GPA33: variants seen among roughly 807,000 people sequenced by gnomAD.
GPA33 encodes cell surface A33 antigen.
In GPA33, 27 loss-of-function variants were observed where a neutral mutation model predicts 35.6. The ratio of observed to expected loss-of-function variants is 0.76; its 90% CI spans 0.56 to 1.04. The LOEUF (loss-of-function observed/expected upper bound fraction) is 1.04. Among genes scored for constraint, GPA33 ranks in the 50% least tolerant of loss-of-function variants. The pLI, the probability that GPA33 is intolerant of heterozygous loss-of-function variation, is 0.00. For synonymous variants in GPA33, 176 were observed against 164.0 expected (o/e 1.07, Z -0.56); for missense variants, 428 against 411.9 (o/e 1.04, Z -0.34).
intron 3 of GPA33, 146 bp downstream of exon 3, chr1:167,068,776 C>T: frequency 1.6e-6 from 1 of 624,456 alleles, no homozygotes; most frequent in Non-Finnish European, 2.9e-6. Flanking sequence ...GGAGCGGTCC[C>T]TCTGCTGAAG....
intron 3 of GPA33, among the ~76,000 whole-genome samples, chr1:167,066,763 A>G (rs1405663847): frequency 6.6e-6 from 1 of 152,204 alleles, no homozygotes; most frequent in African/African-American, 2.4e-5. Flanking sequence ...GTCGGGTGCC[A>G]AGGCCTCTCC....
At chr1:167,063,075 C>T (rs190048479) in intron 4 of GPA33, among the ~76,000 whole-genome samples, 59 of 152,350 alleles carry the variant, frequency 3.9e-4, no homozygotes, top group African/African-American at 1.1e-3. Flanking sequence ...TTCCGCTACG[C>T]GCTTTACATG....
intron 4 of GPA33, among the ~76,000 whole-genome samples, chr1:167,060,720 C>T (rs893142520): frequency 5.3e-5 from 8 of 152,208 alleles, no homozygotes; most frequent in African/African-American, 1.9e-4. Flanking sequence ...TGCAGCTGGG[C>T]TGCCCCTTTG....
Position 167,069,127 on chromosome 1 carries a change from G to A in GPA33, c.210C>T (p.Val70=), listed in dbSNP as rs149134521. 404 of 1,612,040 alleles carry A rather than the reference G, an allele frequency of 2.5e-4. No homozygotes were observed. The highest frequency in any genetic ancestry group is 5.5e-4 in the Admixed American group (33 of 59,986). Residue 70 remains valine, a synonymous_variant, in exon 3 of 7, where the codon GTC becomes GTT. Transcript: ENST00000367868. ...KLLLTHTERV[V]IWPFSNKNYI... is the part of the protein sequence containing the mutation. ...AGTTTTTGTTTGAAAACGGCCAGATGACCACCCTTTCCTGGAGAGAGAAGA... is the reference window on the plus strand; with the variant it reads ...AGTTTTTGTTTGAAAACGGCCAGATAACCACCCTTTCCTGGAGAGAGAAGA...
intron 2 of GPA33, among the ~76,000 whole-genome samples, chr1:167,070,687 G>A (rs576432454): frequency 1.3e-5 from 2 of 152,268 alleles, no homozygotes; most frequent in South Asian, 2.1e-4. Flanking sequence ...AGGAGAAAAG[G>A]GACTGGTTAA....
intron 1 of GPA33, among the ~76,000 whole-genome samples, chr1:167,075,452 A>G (rs561193405): frequency 6.6e-6 from 1 of 152,354 alleles, no homozygotes. Context: ...AACAGGAGTC[A>G]GGAATAGACA....
chr1:167,064,548 G>C (rs1318197623), intron 3 of GPA33, among the ~76,000 whole-genome samples: 1 of 152,180 alleles, frequency 6.6e-6, no homozygotes, highest in South Asian at 2.1e-4. Flanking sequence ...CTACAAACCT[G>C]TTCTGTAAAG....
chr1:167,058,776 G>A (rs570913795), intron 4 of GPA33, among the ~76,000 whole-genome samples: 1 of 152,262 alleles, frequency 6.6e-6, no homozygotes, highest in East Asian at 1.9e-4. Flanking sequence ...CACTGAGTTA[G>A]GATTAAGTAA....
At position 167,054,040 on chromosome 1, in the gene GPA33, G is replaced by T. The variant is rs1283922151; in HGVS notation, c.*294C>A. ...CAGCGCTGTGCTTCCAGGAGCTCCT[G>T]CCAACTACGAGGGAAGTGGAGGCTG... On this transcript the variant is annotated 3_prime_UTR_variant, in exon 7 of 7. Transcript: ENST00000367868. The T allele has an allele frequency of 1.7e-5, 7 of 417,246 alleles. No individual in the cohort carries two copies. Among genetic ancestry groups the T allele is most frequent in the Non-Finnish European group, 2.6e-5 (6 of 228,126 alleles). 25.8% of individuals were successfully genotyped at this position (417,246 alleles called of 1,614,324 possible).
At chr1:167,067,496 A>G (rs1401014172) in intron 3 of GPA33, among the ~76,000 whole-genome samples, 2 of 152,036 alleles carry the variant, frequency 1.3e-5, no homozygotes, top group Non-Finnish European at 2.9e-5. Flanking sequence ...GGTTGGGAGG[A>G]AGAGGGATCA....
chr1:167,056,864 TGTG>T (rs1666312960), intron 4 of GPA33, among the ~76,000 whole-genome samples: 1 of 20,846 alleles, frequency 4.8e-5, no homozygotes, highest in South Asian at 1.5e-3. Context: ...GTGGTGTGTG[TGTG>T]GTGTGTGGTG....
chr1:167,087,908 T>TCACACACACACACACACACACACACACA lies in GPA33; in HGVS notation c.43+2336_43+2337insTGTGTGTGTGTGTGTGTGTGTGTGTGTG, dbSNP rs1491326252. ...TCCAGCCTGAGCAAGCCAGACTCTGTCTCACACACACACACACACACACAA... is the reference window on the plus strand; with the variant it reads ...TCCAGCCTGAGCAAGCCAGACTCTGTCACACACACACACACACACACACACACACTCACACACACACACACACACACAA... On this transcript the variant is annotated intron_variant, in intron 1 of 6. Coordinates refer to ENST00000367868, the MANE Select transcript of GPA33 (RefSeq NM_005814.3). Among the ~76,000 whole-genome samples, 340 of 149,196 alleles carry TCACACACACACACACACACACACACACA rather than the reference T, an allele frequency of 2.3e-3. 4 individuals are homozygous for TCACACACACACACACACACACACACACA. In the East Asian group the frequency reaches 0.033, roughly 14 times the overall value.
At position 167,055,448 on chromosome 1, in the gene GPA33, C is replaced by G. The variant is rs78567274; in HGVS notation, c.691+282G>C. 2.6e-5 allele frequency among the ~76,000 whole-genome samples: 4 copies of G among 152,328 alleles called. No homozygotes were observed. In the East Asian group the frequency reaches 7.7e-4, roughly 29 times the overall value. ...GCAGCTGCCCTGGGCACTTCCTCCA[C>G]GCCCACCGAGTGGTTCCTAGGCAGG... On this transcript the variant is annotated intron_variant, in intron 5 of 6. Transcript: ENST00000367868.
At chr1:167,073,933 C>G (rs1310726464) in intron 1 of GPA33, among the ~76,000 whole-genome samples, 1 of 151,946 alleles carries the variant, frequency 6.6e-6, no homozygotes, top group Non-Finnish European at 1.5e-5. Flanking sequence ...CTCCCTGGCG[C>G]ATAGAAAACT....
At chr1:167,070,201 T>G (rs144038020) in intron 2 of GPA33, among the ~76,000 whole-genome samples, 3 of 151,758 alleles carry the variant, frequency 2.0e-5, no homozygotes, top group Non-Finnish European at 4.4e-5. Flanking sequence ...GAGAAAGAAT[T>G]AGATGTGGGA....
intron 4 of GPA33, among the ~76,000 whole-genome samples, chr1:167,057,849 G>A (rs1666342935): frequency 6.6e-6 from 1 of 152,148 alleles, no homozygotes; most frequent in African/African-American, 2.4e-5. Flanking sequence ...TTATAAAACA[G>A]GAACAAAAAT....
At chr1:167,054,636 C>T (rs1369342310) in intron 6 of GPA33, among the ~76,000 whole-genome samples, 170 bp from the exon 7 acceptor site, 1 of 152,134 alleles carries the variant, frequency 6.6e-6, no homozygotes, top group African/African-American at 2.4e-5. Context: ...GTGCCACAGA[C>T]TTGTTCCACG....
chr1:167,073,712 C>T (rs143273356), intron 1 of GPA33, among the ~76,000 whole-genome samples, 173 bp from the exon 2 acceptor site: 4 of 152,318 alleles, frequency 2.6e-5, no homozygotes, highest in African/African-American at 7.2e-5. Flanking sequence ...TCCAAGACTG[C>T]GATGAGGACA....
intron 1 of GPA33, among the ~76,000 whole-genome samples, chr1:167,082,983 C>A (rs1304753054): frequency 6.6e-6 from 1 of 152,108 alleles, no homozygotes; most frequent in Admixed American, 6.5e-5. Flanking sequence ...CAGAGACAAG[C>A]CCCACAGAGC....
Sources: allele counts gnomAD v4.1 joint callset (sites outside exome capture counted in the v4.1 genomes callset), GRCh38; gene constraint gnomAD v4.1.1; transcripts MANE v1.5; gene names NCBI Gene and HGNC (gene_info 2026-07-23, HGNC 2026-07-21).